RYR2: variants seen among roughly 807,000 people sequenced by gnomAD.
The protein encoded by RYR2 is ryanodine receptor 2.
Under a neutral mutation model 601.1 loss-of-function variants are expected in RYR2, and 227 were observed. That is an observed-to-expected ratio of 0.38 (90% CI 0.34 to 0.42). RYR2 has a LOEUF of 0.42. Ranked by LOEUF, RYR2 falls within the 10% of genes least tolerant of loss-of-function variation. The probability of loss-of-function intolerance (pLI) is 1.00; values close to 1 mark genes in which losing one functional copy is unlikely to be tolerated. For missense variants in RYR2, 4,646 were observed against 6,156.5 expected (o/e 0.75, Z 8.21); for synonymous variants, 2,223 against 2,175.1 (o/e 1.02, Z -0.61).
chr1:237,380,762 A>G (rs181714208), intron 8 of RYR2, among the ~76,000 whole-genome samples: 78 of 151,854 alleles, frequency 5.1e-4, no homozygotes, highest in African/African-American at 1.7e-3. Flanking sequence ...GCCAAAAAGC[A>G]AGACCCTGTC....
At chr1:237,770,510 A>C (rs1694185656) in intron 84 of RYR2, among the ~76,000 whole-genome samples, 1 of 152,196 alleles carries the variant, frequency 6.6e-6, no homozygotes. Flanking sequence ...AAGAAAGAAA[A>C]AAGCAAAGTT....
At chr1:237,127,060 G>C (rs562201481) in intron 1 of RYR2, among the ~76,000 whole-genome samples, 110 of 151,860 alleles carry the variant, frequency 7.2e-4, no homozygotes, top group African/African-American at 2.6e-3. Context: ...ATTTAACCCT[G>C]AGTGGACACA....
At chr1:237,560,706 T>G (rs1337035730) in intron 27 of RYR2, among the ~76,000 whole-genome samples, 1 of 152,252 alleles carries the variant, frequency 6.6e-6, no homozygotes, top group Non-Finnish European at 1.5e-5. Flanking sequence ...ATTTGCATAG[T>G]TTTTTGCCAG....
At chr1:237,682,200 A>G (rs1179662828) in intron 62 of RYR2, among the ~76,000 whole-genome samples, 1 of 152,150 alleles carries the variant, frequency 6.6e-6, no homozygotes, top group African/African-American at 2.4e-5. Context: ...TTATACCTCT[A>G]TAAAGCTGGA....
intron 17 of RYR2, among the ~76,000 whole-genome samples, chr1:237,475,202 G>A (rs1207236712): frequency 6.6e-6 from 1 of 152,214 alleles, no homozygotes; most frequent in African/African-American, 2.4e-5. Flanking sequence ...AGCTCCCGGA[G>A]CCAGGCAGTT....
In RYR2 at chr1:237,387,261, C is replaced by T. The variant is rs764856859; in HGVS notation, c.577-20C>T. 3 of 1,611,470 alleles carry T rather than the reference C, an allele frequency of 1.9e-6. No individual in the cohort carries two copies. The highest frequency in any genetic ancestry group is 2.5e-6 in the Non-Finnish European group (3 of 1,177,586). On this transcript the variant is annotated intron_variant, in intron 8 of 104. Transcript: ENST00000366574. ...CTTACCAGAGCCTGAAGTGATGCCT[C>T]CTTTTGCCTCTTGATACAGCACTTG...
In RYR2 at chr1:237,670,827, C is replaced by T. The variant is rs79022356; in HGVS notation, c.8590+2869C>T. On this transcript the variant is annotated intron_variant, in intron 58 of 104. Transcript: ENST00000366574. ...TCCCAAATCCAAAAGCTTAAATGCT[C>T]CAATAAGTGTTTCCTTTGAGCATCA... Among the ~76,000 whole-genome samples the T allele has an allele frequency of 8.4e-3, 1,272 of 152,206 alleles. 17 individuals carry two copies. Among genetic ancestry groups the T allele is most frequent in the East Asian group, 0.049 (255 of 5,178 alleles).
At chr1:237,157,775 C>T (rs1275657714) in intron 1 of RYR2, among the ~76,000 whole-genome samples, 1 of 151,966 alleles carries the variant, frequency 6.6e-6, no homozygotes, top group Admixed American at 6.6e-5. Context: ...TTAATGGGTA[C>T]AAAAATACAG....
intron 67 of RYR2, among the ~76,000 whole-genome samples, chr1:237,705,572 A>C (rs1243893811): frequency 6.6e-6 from 1 of 152,130 alleles, no homozygotes; most frequent in African/African-American, 2.4e-5. Flanking sequence ...GAGCAAGGTG[A>C]CTGAGCAGGC....
At chr1:237,633,785 T>TA in intron 43 of RYR2, 75 bp downstream of exon 43, 1 of 1,407,480 alleles carries the variant, frequency 7.1e-7, no homozygotes. Flanking sequence ...AACGTTTTGT[T>TA]AAAAAATGTG....
At chr1:237,225,147 A>C (rs1227027249) in intron 1 of RYR2, among the ~76,000 whole-genome samples, 1 of 152,172 alleles carries the variant, frequency 6.6e-6, no homozygotes. Context: ...CAGGTGAACA[A>C]CATCCATTTT....
intron 1 of RYR2, among the ~76,000 whole-genome samples, chr1:237,063,635 C>CATT (rs780904630): frequency 6.6e-6 from 1 of 152,108 alleles, no homozygotes; most frequent in East Asian, 1.9e-4. Context: ...CTCCTTAAGA[C>CATT]ATTATTATTA....
At chr1:237,702,265 A>C (rs1423613788) in intron 66 of RYR2, among the ~76,000 whole-genome samples, 2 of 152,212 alleles carry the variant, frequency 1.3e-5, no homozygotes, top group Non-Finnish European at 2.9e-5. Flanking sequence ...CAAAGAAAGT[A>C]AAGCACTAAT....
chr1:237,547,451 A>G (rs1669947257), intron 25 of RYR2, among the ~76,000 whole-genome samples: 1 of 152,232 alleles, frequency 6.6e-6, no homozygotes, highest in Admixed American at 6.5e-5. Flanking sequence ...TATTTCAACA[A>G]CTGTATATGA....
intron 1 of RYR2, among the ~76,000 whole-genome samples, chr1:237,251,916 C>A (rs1274566800): frequency 6.6e-6 from 1 of 152,128 alleles, no homozygotes; most frequent in East Asian, 1.9e-4. Flanking sequence ...TCTAATTATT[C>A]TTTTTCCTAT....
At chr1:237,818,942 G>T in intron 100 of RYR2, 94 bp from the exon 101 acceptor site, 1 of 1,101,718 alleles carries the variant, frequency 9.1e-7, no homozygotes, top group Non-Finnish European at 1.3e-6. Context: ...CATTTCCAGA[G>T]TGAGGATTAG....
At chr1:237,627,641 T>C (rs1319401076) in intron 40 of RYR2, among the ~76,000 whole-genome samples, 166 bp from the exon 41 acceptor site, 1 of 152,220 alleles carries the variant, frequency 6.6e-6, no homozygotes, top group African/African-American at 2.4e-5. Context: ...TATTGAAATA[T>C]GTATCATCCA....
At chr1:237,568,486 T>C (rs12129119) in intron 28 of RYR2, among the ~76,000 whole-genome samples, 7,632 of 152,264 alleles carry the variant, frequency 0.05, 264 homozygotes, top group East Asian at 0.13. Flanking sequence ...CAATATGAGA[T>C]TTCACTTTAT....
At chr1:237,387,226 C>G in intron 8 of RYR2, 55 bp from the exon 9 acceptor site, 2 of 1,492,586 alleles carry the variant, frequency 1.3e-6, no homozygotes, top group Admixed American at 1.7e-5. Context: ...GAAGCACTTA[C>G]ATGTTACAGC....
Sources: gnomAD v4.1 joint callset for allele counts (sites outside exome capture counted in the v4.1 genomes callset) on GRCh38, gnomAD v4.1.1 for gene constraint, MANE v1.5 for transcripts, NCBI Gene and HGNC (gene_info 2026-07-23, HGNC 2026-07-21) for gene names.